SKI: variants seen among roughly 807,000 people sequenced by gnomAD.
The protein encoded by SKI is SKI proto-oncogene.
A neutral mutation model predicts 59.3 loss-of-function variants in SKI; 23 were observed. That is an observed-to-expected ratio of 0.39 (90% CI 0.28 to 0.55). SKI has a LOEUF of 0.55. Among genes scored for constraint, SKI ranks in the 20% least tolerant of loss-of-function variants. The probability of loss-of-function intolerance (pLI) is 0.67; values close to 1 mark genes in which losing one functional copy is unlikely to be tolerated. For synonymous variants in SKI, 673 were observed against 488.6 expected, an observed-to-expected ratio of 1.38 and a Z score of -4.98; for missense variants, 1,017 against 1,038.9, an observed-to-expected ratio of 0.98 and a Z score of 0.29.
chr1:2,286,105 C>T (rs1392324659), intron 1 of SKI, among the ~76,000 whole-genome samples: 1 of 152,016 alleles, frequency 6.6e-6, no homozygotes, highest in Non-Finnish European at 1.5e-5. Context: ...AACTCCTGAC[C>T]TCGTCGTCCA....
At position 2,308,162 on chromosome 1, in the gene SKI, G is replaced by T. The variant is rs1472088099; in HGVS notation, c.*1397G>T. ...ACAGTTACGGTATTTATTTACATAA[G>T]AAGATCTTACAGGAGTTCTTTGCTT... On this transcript the variant is annotated 3_prime_UTR_variant, in exon 7 of 7. Coordinates refer to ENST00000378536, the MANE Select transcript of SKI (RefSeq NM_003036.4). The T allele has an allele frequency of 6.6e-6, 1 of 152,214 alleles. No individual in the cohort carries two copies. 9.4% of individuals were successfully genotyped at this position (152,214 alleles called of 1,614,324 possible).
chr1:2,239,517 C>T (rs1004914123), intron 1 of SKI, among the ~76,000 whole-genome samples: 13 of 152,174 alleles, frequency 8.5e-5, no homozygotes, highest in Non-Finnish European at 5.9e-5. Context: ...TAGCCGTTGG[C>T]GGCACCTTTG....
At chr1:2,275,460 C>A (rs769138620) in intron 1 of SKI, among the ~76,000 whole-genome samples, 5 of 152,072 alleles carry the variant, frequency 3.3e-5, no homozygotes, top group Non-Finnish European at 7.4e-5. Context: ...GTCTGAGACC[C>A]CGAGCCCTGG....
intron 1 of SKI, among the ~76,000 whole-genome samples, chr1:2,238,910 T>C (rs1638806882): frequency 6.6e-6 from 1 of 152,166 alleles, no homozygotes; most frequent in Admixed American, 6.5e-5. Flanking sequence ...TGGTGTGGCG[T>C]CTGTGAGATC....
intron 1 of SKI, among the ~76,000 whole-genome samples, chr1:2,235,517 G>C (rs1159167548): frequency 6.6e-6 from 1 of 152,252 alleles, no homozygotes; most frequent in Admixed American, 6.5e-5. Flanking sequence ...CATGATAAGC[G>C]ATAGCTCTTA....
intron 1 of SKI, among the ~76,000 whole-genome samples, chr1:2,287,133 C>T (rs1640055795): frequency 1.3e-5 from 2 of 152,144 alleles, no homozygotes; most frequent in Admixed American, 1.3e-4. Context: ...GGCCCCTGCG[C>T]ACCCTCCCGC....
chr1:2,278,473 C>T (rs1364979959), intron 1 of SKI, among the ~76,000 whole-genome samples: 1 of 152,226 alleles, frequency 6.6e-6, no homozygotes, highest in African/African-American at 2.4e-5. Context: ...TCCCTTCACC[C>T]TCCACAGTCA....
intron 6 of SKI, 132 bp downstream of exon 6, chr1:2,306,382 C>G (rs1640578975): frequency 1.9e-6 from 2 of 1,027,748 alleles, no homozygotes; most frequent in African/African-American, 1.6e-5. Flanking sequence ...CCGTGCGTGC[C>G]CCCCCGACGG....
Position 2,303,961 on chromosome 1 carries a change from C to T in SKI, c.1333C>T (p.Pro445Ser). The T allele has an allele frequency of 6.2e-7, 1 of 1,612,226 alleles. No homozygotes were observed. Among genetic ancestry groups the T allele is most frequent in the Non-Finnish European group, 8.5e-7 (1 of 1,179,742 alleles). ...CGCCGCCGTCTCCCGGGCCCCCGAGCCTCTCGCCACTTGCACCCAGCCTCG... is the reference window on the plus strand; with the variant it reads ...CGCCGCCGTCTCCCGGGCCCCCGAGTCTCTCGCCACTTGCACCCAGCCTCG... The part of the protein sequence containing the change: ...CAAAVSRAPE[P>S]LATCTQPRKR... Residue 445 changes from proline (P) to serine (S), a missense_variant, in exon 4 of 7, where the codon CCT (proline) becomes TCT (serine). Transcript: ENST00000378536. The surrounding 1 kb of genome is among the most constrained non-coding windows in gnomAD (Gnocchi z 5.6).
rs1344055563 is a variant in SKI at position 2,307,739 on chromosome 1, C to G, written c.*974C>G. 6.6e-6 allele frequency: 1 copy of G among 152,532 alleles called. No individual in the cohort carries two copies. The highest frequency in any genetic ancestry group is 2.4e-5 in the African/African-American group (1 of 41,438). 9.4% of individuals were successfully genotyped at this position (152,532 alleles called of 1,614,324 possible). A position where few individuals can be genotyped will look rare whatever the true frequency, so the allele number is the denominator to read the frequency against. On this transcript the variant is annotated 3_prime_UTR_variant, in exon 7 of 7. Coordinates refer to ENST00000378536, the MANE Select transcript of SKI (RefSeq NM_003036.4). ...ATTTAAACGTATATTTAGAACTGCACTTTGTCCACAACCTTCCCTTCTCTT... is the reference window on the plus strand; with the variant it reads ...ATTTAAACGTATATTTAGAACTGCAGTTTGTCCACAACCTTCCCTTCTCTT...
chr1:2,273,913 T>G (rs1215108348), intron 1 of SKI, among the ~76,000 whole-genome samples: 2 of 152,012 alleles, frequency 1.3e-5, no homozygotes, highest in East Asian at 3.9e-4. Context: ...ACCCTCTCAC[T>G]CACTGCCCTG....
Position 2,252,376 on chromosome 1 carries a change from G to A in SKI, c.969+22641G>A, listed in dbSNP as rs981696404. Among the ~76,000 whole-genome samples, 7 of 152,270 alleles carry A rather than the reference G, an allele frequency of 4.6e-5. No individual in the cohort carries two copies. In the East Asian group the frequency reaches 7.7e-4, roughly 17 times the overall value. ...GTGGCTGCTGAGGAGGCTGCCCCACGTTCTGATCCTGGTGCAGGGCTGCAC... is the reference window on the plus strand; with the variant it reads ...GTGGCTGCTGAGGAGGCTGCCCCACATTCTGATCCTGGTGCAGGGCTGCAC... On this transcript the variant is annotated intron_variant, in intron 1 of 6. Transcript: ENST00000378536.
chr1:2,262,777 T>A (rs1639416354), intron 1 of SKI, among the ~76,000 whole-genome samples: 1 of 152,232 alleles, frequency 6.6e-6, no homozygotes, highest in African/African-American at 2.4e-5. Context: ...TCTTTCTATT[T>A]CAGGTTACTA....
In SKI at chr1:2,306,602, A is replaced by G. The variant is rs891455097; in HGVS notation, c.2024A>G (p.Gln675Arg). The G allele has an allele frequency of 4.5e-6, 7 of 1,543,842 alleles. No homozygotes were observed. Among genetic ancestry groups the G allele is most frequent in the Non-Finnish European group, 5.2e-6 (6 of 1,145,580 alleles). Residue 675 changes from glutamine to arginine, a missense_variant, in exon 7 of 7, where the codon CAG (glutamine) becomes CGG (arginine). Physicochemically the swap from Gln to Arg is conservative, Grantham distance 43 (BLOSUM62 1). Coordinates refer to ENST00000378536, the MANE Select transcript of SKI (RefSeq NM_003036.4). ...ATCGAAGACCTGCAGGTGAAGCTGCAGCACGCGGAGGCGGACCGGGAGCAG... is the reference window on the plus strand; with the variant it reads ...ATCGAAGACCTGCAGGTGAAGCTGCGGCACGCGGAGGCGGACCGGGAGCAG... ...AQIEDLQVKL[Q>R]HAEADREQLR...
chr1:2,284,289 G>A (rs1034906670), intron 1 of SKI, among the ~76,000 whole-genome samples: 2 of 152,182 alleles, frequency 1.3e-5, no homozygotes, highest in African/African-American at 2.4e-5. Context: ...CTGCCGAGAC[G>A]TCCTGGTAGG....
chr1:2,261,603 C>A (rs1464806291), intron 1 of SKI, among the ~76,000 whole-genome samples: 2 of 152,238 alleles, frequency 1.3e-5, no homozygotes, highest in Non-Finnish European at 2.9e-5. Flanking sequence ...AGCCTGTAAC[C>A]TTCCTAACTT....
In SKI at chr1:2,228,548, C is replaced by T. The variant is rs1034779382; in HGVS notation, c.-219C>T. The T allele has an allele frequency of 7.0e-6, 1 of 143,070 alleles. No homozygotes were observed. The highest frequency in any genetic ancestry group is 2.5e-5 in the African/African-American group (1 of 39,634). 8.9% of individuals were successfully genotyped at this position (143,070 alleles called of 1,614,324 possible). A position where few individuals can be genotyped will look rare whatever the true frequency, so the allele number is the denominator to read the frequency against. ...GGGGCGCGTGGATGTGGCGCCGGGC[C>T]CGGGCGGCGGCGGGCTCCAGCGGCG... is the stretch of plus-strand genomic sequence containing the variant. On this transcript the variant is annotated 5_prime_UTR_variant, in exon 1 of 7. Coordinates refer to ENST00000378536, the MANE Select transcript of SKI (RefSeq NM_003036.4).
chr1:2,260,364 T>C (rs1639358497), intron 1 of SKI, among the ~76,000 whole-genome samples: 1 of 152,130 alleles, frequency 6.6e-6, no homozygotes, highest in South Asian at 2.1e-4. Context: ...GGTTTGTTGT[T>C]TTACTGTTGA....
rs756571135 is a variant in SKI, at chr1:2,229,644, G to A, written c.878G>A (p.Gly293Asp). The A allele has an allele frequency of 2.5e-6, 4 of 1,612,000 alleles. No homozygotes were observed. In the African/African-American group the frequency reaches 4.0e-5, roughly 16 times the overall value. The change falls in exon 1 of 7, where the codon GGC (glycine) becomes GAC (aspartate). Residue 293 changes from glycine to aspartate, a missense_variant. Coordinates refer to ENST00000378536, the MANE Select transcript of SKI (RefSeq NM_003036.4). This position sits in a 1 kb window ranked among gnomAD's most constrained non-coding sequence, Gnocchi z 6.3. ...AYILLSQDYT[G>D]KEEQARLGRC... is the part of the protein sequence containing the mutation. ...ATCCTGCTGAGCCAGGATTACACGG[G>A]CAAGGAGGAGCAGGCGCGCCTCGGC...
Sources: gnomAD v4.1 joint callset for allele counts (sites outside exome capture counted in the v4.1 genomes callset) on GRCh38, gnomAD v4.1.1 for gene constraint, Gnocchi (gnomAD v3.1) non-coding constraint, MANE v1.5 for transcripts, NCBI Gene and HGNC (gene_info 2026-07-23, HGNC 2026-07-21) for gene names.